Variants in DAB1 observed in about 807,000 individuals in gnomAD.
The protein encoded by DAB1 is disabled homolog 1.
DAB1 carries 15 observed loss-of-function variants against 64.6 expected under a neutral mutation model. That is an observed-to-expected ratio of 0.23 (90% confidence interval 0.16 to 0.36). DAB1 has a LOEUF of 0.36. DAB1 is among the 10% of genes least tolerant of loss of function. DAB1 has a pLI of 1.00. For missense variants in DAB1, 596 were observed against 706.7 expected, an observed-to-expected ratio of 0.84 and a Z score of 1.78; for synonymous variants, 235 against 251.9, an observed-to-expected ratio of 0.93 and a Z score of 0.64.
chr1:57,311,192 G>A (rs1674671885), intron 1 of DAB1, among the ~76,000 whole-genome samples: 1 of 152,144 alleles, frequency 6.6e-6, no homozygotes, highest in African/African-American at 2.4e-5. Flanking sequence ...TATAATGGCT[G>A]TTGCTGTTCT....
At chr1:57,238,854 CACACAT>C (rs1284551005) in intron 2 of DAB1, among the ~76,000 whole-genome samples, 5 of 141,890 alleles carry the variant, frequency 3.5e-5, no homozygotes, top group Non-Finnish European at 6.1e-5. Flanking sequence ...CACACACACA[CACACAT>C]ACACACACAC....
At chr1:58,197,000 G>A (rs190772299) in intron 4 of DAB1, among the ~76,000 whole-genome samples, 2 of 152,300 alleles carry the variant, frequency 1.3e-5, no homozygotes, top group Admixed American at 6.5e-5. Flanking sequence ...TGGGAATCAT[G>A]CAAATTACTT....
At chr1:58,138,925 T>C (rs1196108496) in intron 5 of DAB1, among the ~76,000 whole-genome samples, 1 of 152,126 alleles carries the variant, frequency 6.6e-6, no homozygotes, top group Non-Finnish European at 1.5e-5. Flanking sequence ...GACAAATGAA[T>C]GAATGAGTGA....
rs56816699 is a variant in DAB1 at position 58,296,195 on chromosome 1, GAGAAAGAAAGAAAGAAAGAA to G, written n.309+47137_309+47156del. On this transcript the variant is annotated intron_variant and non_coding_transcript_variant, in intron 4 of 20. Coordinates refer to the DAB1 transcript ENST00000485760. Reference sequence around the variant, plus strand: ...GAAAAAAGAAAGAAAGAGAAAGAAAGAGAAAGAAAGAAAGAAAGAAAGAAAGAAAGAAAGAAAGAAAGAAA... The same window carrying G: ...GAAAAAAGAAAGAAAGAGAAAGAAAGAGAAAGAAAGAAAGAAAGAAAGAAA... Among the ~76,000 whole-genome samples the G allele has an allele frequency of 6.8e-3, 632 of 93,516 alleles. 3 individuals carry two copies. The highest frequency in any genetic ancestry group is 0.018 in the African/African-American group (446 of 25,106). 61.4% of individuals were successfully genotyped at this position (93,516 alleles called of 152,430 possible).
chr1:57,473,196 G>T (rs1251724369), intron 7 of DAB1, among the ~76,000 whole-genome samples: 2 of 152,180 alleles, frequency 1.3e-5, no homozygotes, highest in East Asian at 1.9e-4. Context: ...ATAATTCTGG[G>T]CAAGTTAAAC....
chr1:57,430,765 T>A (rs1468523605), intron 7 of DAB1, among the ~76,000 whole-genome samples: 1 of 152,126 alleles, frequency 6.6e-6, no homozygotes, highest in Non-Finnish European at 1.5e-5. Context: ...AGGTTTATAA[T>A]CCTCTCACTC....
intron 1 of DAB1, among the ~76,000 whole-genome samples, chr1:58,543,684 A>C (rs1271758064): frequency 6.6e-6 from 1 of 152,244 alleles, no homozygotes; most frequent in African/African-American, 2.4e-5. Flanking sequence ...AAAAAATGAC[A>C]TGATGATCTG....
intron 5 of DAB1, among the ~76,000 whole-genome samples, chr1:57,891,663 T>C (rs1396016872): frequency 6.6e-6 from 1 of 152,134 alleles, no homozygotes; most frequent in Non-Finnish European, 1.5e-5. Flanking sequence ...TGGAATACTA[T>C]GAAGCCATAA....
At chr1:57,071,116 T>C in intron 6 of DAB1, 55 bp from the exon 7 acceptor site, 1 of 1,486,340 alleles carries the variant, frequency 6.7e-7, no homozygotes, top group Non-Finnish European at 9.4e-7. Flanking sequence ...AAGGAAGAGA[T>C]GTGAGACTGC....
In DAB1 at chr1:57,642,335, A is replaced by T. The variant is rs190059552; in HGVS notation, n.625+7257T>A. On this transcript the variant is annotated intron_variant and non_coding_transcript_variant, in intron 7 of 20. Coordinates refer to the DAB1 transcript ENST00000485760. ...GCTATTCTTTATCCATTGGAAGCTG[A>T]TTCCCTAGCCCTTAGGTGCCTACTC... Among the ~76,000 whole-genome samples the T allele has an allele frequency of 2.6e-5, 4 of 152,314 alleles. No homozygotes were observed. The East Asian group carries it at 7.7e-4, about 29-fold the overall frequency.
intron 1 of DAB1, among the ~76,000 whole-genome samples, chr1:57,838,879 C>A (rs556265399): frequency 2.0e-5 from 3 of 151,618 alleles, no homozygotes; most frequent in Non-Finnish European, 4.4e-5. Flanking sequence ...TGGGCTCAAG[C>A]AATTCTCCTG....
At chr1:57,644,748 T>C (rs1330207212) in intron 7 of DAB1, among the ~76,000 whole-genome samples, 5 of 152,120 alleles carry the variant, frequency 3.3e-5, no homozygotes, top group East Asian at 1.9e-4. Context: ...TTGTGGGTGC[T>C]GGTTAAGCAG....
intron 8 of DAB1, among the ~76,000 whole-genome samples, chr1:57,067,254 T>C (rs1455925953): frequency 2.6e-5 from 4 of 152,124 alleles, no homozygotes; most frequent in African/African-American, 7.2e-5. Flanking sequence ...ACAAGTGTGA[T>C]TTTTAGATAG....
rs1323235442 is a variant in DAB1 at position 57,433,484 on chromosome 1, G to A, written n.626-142318C>T. On this transcript the variant is annotated intron_variant and non_coding_transcript_variant, in intron 7 of 20. Transcript: ENST00000485760. ...CTGAAACAACTGCATAAACATATGG[G>A]AAAAAATCAGCATGAAGTTCTTCCT... Among the ~76,000 whole-genome samples the A allele has an allele frequency of 2.0e-5, 3 of 151,902 alleles. No homozygotes were observed. In the East Asian group the frequency reaches 5.8e-4, roughly 29 times the overall value.
chr1:57,991,732 G>C (rs1646342317), intron 5 of DAB1, among the ~76,000 whole-genome samples: 1 of 149,338 alleles, frequency 6.7e-6, no homozygotes, highest in Non-Finnish European at 1.5e-5. Context: ...TGTAATACCA[G>C]CTACTTGGGA....
At chr1:58,368,443 A>C (rs1644235450) in intron 3 of DAB1, among the ~76,000 whole-genome samples, 1 of 152,174 alleles carries the variant, frequency 6.6e-6, no homozygotes, top group Non-Finnish European at 1.5e-5. Context: ...GGATAAATGA[A>C]ATGTAGAATA....
chr1:57,983,225 C>G (rs185419497), intron 5 of DAB1, among the ~76,000 whole-genome samples: 1 of 152,312 alleles, frequency 6.6e-6, no homozygotes, highest in African/African-American at 2.4e-5. Flanking sequence ...GAGGTCAAAG[C>G]AGCCTTGGCC....
chr1:57,657,059 G>C (rs946517218), intron 6 of DAB1, among the ~76,000 whole-genome samples: 2 of 152,190 alleles, frequency 1.3e-5, no homozygotes, highest in Non-Finnish European at 2.9e-5. Flanking sequence ...TCCATGCTCT[G>C]GCACCTGCCT....
At chr1:57,220,600 C>T (rs1257992954) in intron 2 of DAB1, among the ~76,000 whole-genome samples, 2 of 152,208 alleles carry the variant, frequency 1.3e-5, no homozygotes, top group Non-Finnish European at 2.9e-5. Flanking sequence ...AGGATATGAA[C>T]AGACACTTCT....
Sources: allele counts gnomAD v4.1 joint callset (sites outside exome capture counted in the v4.1 genomes callset), GRCh38; gene constraint gnomAD v4.1.1; transcripts MANE v1.5; gene names NCBI Gene and HGNC (gene_info 2026-07-23, HGNC 2026-07-21).